EPB41: variants seen among roughly 807,000 people sequenced by gnomAD.
The protein encoded by EPB41 is erythrocyte membrane protein band 4.1.
In EPB41, 65 loss-of-function variants were observed where a neutral mutation model predicts 108.0. That is an observed-to-expected ratio of 0.60 (90% CI 0.49 to 0.74). The LOEUF (loss-of-function observed/expected upper bound fraction) is 0.74, where lower values mean the gene tolerates loss of function less well. Ranked by LOEUF, EPB41 falls within the 30% of genes least tolerant of loss-of-function variation. The pLI, the probability that EPB41 is intolerant of heterozygous loss-of-function variation, is 0.00. For synonymous variants in EPB41, 336 were observed against 358.9 expected (o/e 0.94, Z 0.72); for missense variants, 875 against 1,037.0 (o/e 0.84, Z 2.15).
At chr1:28,913,352 C>T (rs1293274312), upstream of EPB41, among the ~76,000 whole-genome samples, 2 of 152,196 alleles carry the variant, frequency 1.3e-5, no homozygotes, top group Admixed American at 6.5e-5. Context: ...GCAGGAGAAT[C>T]GCTTGAACCC....
Position 29,058,823 on chromosome 1 carries a change from A to G in EPB41, c.1915A>G (p.Lys639Glu). 6.5e-7 allele frequency: 1 copy of G among 1,548,594 alleles called. No homozygotes were observed. The highest frequency in any genetic ancestry group is 8.7e-7 in the Non-Finnish European group (1 of 1,146,266). The change falls in exon 14 of 21, where the codon AAA becomes GAA. Residue 639 changes from lysine (K) to glutamate (E), a missense_variant. By Grantham distance (56) the Lys-to-Glu change is moderately conservative (BLOSUM62 1). Transcript: ENST00000343067. ...NGDQTQKLAE[K>E]TEDLIRMRKK... ...TATGGCAAAACAGAAGCTTGCAGAA[A>G]AAACTGAAGATCTGATAAGAATGAG...
intron 9 of EPB41, among the ~76,000 whole-genome samples, chr1:29,034,696 G>A (rs1000875630): frequency 2.0e-5 from 3 of 152,106 alleles, no homozygotes; most frequent in Admixed American, 6.6e-5. Flanking sequence ...TTTTGCTTCA[G>A]TATAAGAGGA....
In EPB41 at chr1:29,115,738, C is replaced by G; in HGVS notation, c.2536C>G (p.Pro846Ala). ...QAIKEAKEQH[P>A]DMSVTKVVVH... The stretch of plus-strand genomic sequence containing the variant: ...CATCAAGGAGGCAAAGGAGCAGCAC[C>G]CAGACATGTCAGTGACCAAGGTGGT... Residue 846 changes from proline to alanine, a missense_variant, in exon 20 of 21, where the codon CCA (proline) becomes GCA (alanine). Transcript: ENST00000343067. This position sits in a 1 kb window ranked among gnomAD's most constrained non-coding sequence, Gnocchi z 4.4. 1.2e-6 allele frequency: 2 copies of G among 1,614,084 alleles called. No individual in the cohort carries two copies. Among genetic ancestry groups the G allele is most frequent in the Non-Finnish European group, 1.7e-6 (2 of 1,180,030 alleles).
chr1:28,891,051 C>T (rs954213481), intron 1 of EPB41: 2 of 932,814 alleles, frequency 2.1e-6, no homozygotes, highest in Non-Finnish European at 2.6e-6. Context: ...ACCTCCAGGT[C>T]AGCCAGGGCC....
intron 1 of EPB41, among the ~76,000 whole-genome samples, chr1:28,928,291 C>G (rs2093561603): frequency 6.6e-6 from 1 of 152,024 alleles, no homozygotes; most frequent in African/African-American, 2.4e-5. Flanking sequence ...CCAGATTTCT[C>G]TAAATACAGA....
intron 3 of EPB41, among the ~76,000 whole-genome samples, chr1:28,993,839 G>A (rs1435331582): frequency 6.6e-6 from 1 of 151,798 alleles, no homozygotes; most frequent in Non-Finnish European, 1.5e-5. Context: ...TGTATTTTTA[G>A]TAGAGACAGA....
chr1:28,965,372 A>AT (rs556250082), intron 1 of EPB41, among the ~76,000 whole-genome samples: 66 of 150,104 alleles, frequency 4.4e-4, no homozygotes, highest in African/African-American at 1.5e-3. Context: ...GCATTTTATA[A>AT]TTTTTTTTTT....
At chr1:28,896,949 G>A (rs992147464) in intron 1 of EPB41, among the ~76,000 whole-genome samples, 2 of 152,188 alleles carry the variant, frequency 1.3e-5, no homozygotes, top group Admixed American at 1.3e-4. Flanking sequence ...GGCCCACTGG[G>A]GTCTCTGGCT....
intron 11 of EPB41, among the ~76,000 whole-genome samples, chr1:29,043,507 G>A (rs945112648): frequency 1.4e-4 from 21 of 152,216 alleles, no homozygotes; most frequent in African/African-American, 5.1e-4. Context: ...ATGTGGCTAT[G>A]TGCCTGAGGA....
chr1:28,953,306 G>GT (rs145995023), intron 1 of EPB41, among the ~76,000 whole-genome samples: 17,856 of 147,580 alleles, frequency 0.12, 1,302 homozygotes, highest in East Asian at 0.37. Flanking sequence ...AGGTTTCTTG[G>GT]TTTTTTTTTT....
At chr1:29,077,059 T>G (rs1216030061) in intron 16 of EPB41, among the ~76,000 whole-genome samples, 1 of 152,216 alleles carries the variant, frequency 6.6e-6, no homozygotes, top group Admixed American at 6.5e-5. Context: ...ACTTTTCACA[T>G]AGAATCTCTT....
intron 16 of EPB41, among the ~76,000 whole-genome samples, chr1:29,081,607 G>C (rs979493691): frequency 1.3e-5 from 2 of 152,182 alleles, no homozygotes; most frequent in African/African-American, 4.8e-5. Flanking sequence ...AGGCCGAACT[G>C]GGTGGATCGC....
rs1233211329 is a variant in EPB41, at chr1:29,106,564, A to AATTTTTTTTTTTTTTTTTTTTTT, written c.2314-2772_2314-2771insATTTTTTTTTTTTTTTTTTTTTT. Among the ~76,000 whole-genome samples, 3 of 50,882 alleles carry AATTTTTTTTTTTTTTTTTTTTTT rather than the reference A, an allele frequency of 5.9e-5. 1 individual carries two copies. Among genetic ancestry groups the AATTTTTTTTTTTTTTTTTTTTTT allele is most frequent in the African/African-American group, 1.7e-4 (2 of 11,760 alleles). 33.4% of individuals were successfully genotyped at this position (50,882 alleles called of 152,430 possible). ...CCTCTCAGCCTCCCGAGTAGCTGGG[A>AATTTTTTTTTTTTTTTTTTTTTT]TTTTTTTTTTTTTTTTTTTTTTTTT... is the stretch of plus-strand genomic sequence containing the variant. On this transcript the variant is annotated intron_variant, in intron 17 of 20. Transcript: ENST00000343067.
chr1:28,952,832 G>T (rs1336561937), intron 1 of EPB41, among the ~76,000 whole-genome samples: 1 of 152,102 alleles, frequency 6.6e-6, no homozygotes, highest in African/African-American at 2.4e-5. Context: ...TGAAGCTAGA[G>T]ATTTAACTTG....
intron 16 of EPB41, among the ~76,000 whole-genome samples, chr1:29,092,312 G>T (rs920972756): frequency 6.6e-6 from 1 of 151,852 alleles, no homozygotes; most frequent in African/African-American, 2.4e-5. Flanking sequence ...GGACAGACTC[G>T]AACTCCCAAC....
At chr1:28,980,090 T>C (rs745354078) in intron 1 of EPB41, among the ~76,000 whole-genome samples, 24 of 152,330 alleles carry the variant, frequency 1.6e-4, no homozygotes, top group Non-Finnish European at 3.1e-4. Context: ...CCCAGCACTT[T>C]GGTAGGCCAA....
chr1:28,969,979 A>G (rs557319407), intron 1 of EPB41, among the ~76,000 whole-genome samples: 1 of 152,338 alleles, frequency 6.6e-6, no homozygotes, highest in African/African-American at 2.4e-5. Context: ...TGTTCACATC[A>G]CCAAAAAATT....
chr1:28,998,258 G>C (rs1455350010), intron 4 of EPB41, among the ~76,000 whole-genome samples: 1 of 152,174 alleles, frequency 6.6e-6, no homozygotes, highest in Non-Finnish European at 1.5e-5. Flanking sequence ...AGAATGGCTT[G>C]TGTAAGACCT....
chr1:28,917,238 A>ATC (rs373283904), intron 1 of EPB41, among the ~76,000 whole-genome samples: 9 of 151,568 alleles, frequency 5.9e-5, no homozygotes, highest in African/African-American at 1.7e-4. Flanking sequence ...TTGCTTTGCC[A>ATC]TCTCTCTCTC....
Sources: gnomAD v4.1 joint callset for allele counts (sites outside exome capture counted in the v4.1 genomes callset) on GRCh38, gnomAD v4.1.1 for gene constraint, Gnocchi (gnomAD v3.1) non-coding constraint, MANE v1.5 for transcripts, NCBI Gene and HGNC (gene_info 2026-07-23, HGNC 2026-07-21) for gene names.